Variants in ADGRL2 observed in about 807,000 individuals in gnomAD.
The protein encoded by ADGRL2 is calcium-independent alpha-latrotoxin receptor 2.
Under a neutral mutation model 157.4 loss-of-function variants are expected in ADGRL2, and 44 were observed. The observed-to-expected ratio is 0.28, with a 90% CI of 0.22 to 0.36. ADGRL2 has a LOEUF of 0.36. Among genes scored for constraint, ADGRL2 ranks in the 10% least tolerant of loss-of-function variants. ADGRL2 has a pLI of 1.00. For synonymous variants in ADGRL2, 585 were observed against 624.7 expected, an observed-to-expected ratio of 0.94 and a Z score of 0.95; for missense variants, 1,510 against 1,768.9, an observed-to-expected ratio of 0.85 and a Z score of 2.63.
chr1:81,779,221 A>G (rs1490384329), intron 2 of ADGRL2, among the ~76,000 whole-genome samples: 1 of 152,160 alleles, frequency 6.6e-6, no homozygotes, highest in Non-Finnish European at 1.5e-5. Context: ...ACACTGAAGT[A>G]TGTAAAATAA....
chr1:81,342,603 C>G (rs1053979425), intron 1 of ADGRL2, among the ~76,000 whole-genome samples: 11 of 152,114 alleles, frequency 7.2e-5, no homozygotes, highest in Non-Finnish European at 1.5e-4. Flanking sequence ...GTCAATCACT[C>G]TAATAGGTTT....
intron 1 of ADGRL2, among the ~76,000 whole-genome samples, chr1:81,703,946 G>A (rs1335946463): frequency 6.6e-6 from 1 of 152,142 alleles, no homozygotes; most frequent in Non-Finnish European, 1.5e-5. Context: ...AGTAAAGGAG[G>A]CCAATAAGCC....
At chr1:81,415,041 C>A (rs1160560241) in intron 1 of ADGRL2, among the ~76,000 whole-genome samples, 1 of 152,144 alleles carries the variant, frequency 6.6e-6, no homozygotes, top group African/African-American at 2.4e-5. Flanking sequence ...TAAAGAAAGG[C>A]CACCTTTCAG....
chr1:81,899,712 T>G (rs917063416), intron 2 of ADGRL2, among the ~76,000 whole-genome samples: 2 of 152,160 alleles, frequency 1.3e-5, no homozygotes, highest in African/African-American at 4.8e-5. Context: ...TTGGGATGCT[T>G]ATTTTTTTGT....
intron 3 of ADGRL2, among the ~76,000 whole-genome samples, chr1:81,914,812 G>A (rs1433264882): frequency 1.3e-5 from 2 of 152,120 alleles, no homozygotes; most frequent in East Asian, 3.9e-4. Flanking sequence ...TTTTAGTACA[G>A]TAATAAATAA....
intron 2 of ADGRL2, among the ~76,000 whole-genome samples, chr1:81,510,698 T>C (rs2148080571): frequency 6.6e-6 from 1 of 152,294 alleles, no homozygotes; most frequent in East Asian, 1.9e-4. Flanking sequence ...GGCAGAAAGT[T>C]ATGTAGGGTC....
intron 1 of ADGRL2, among the ~76,000 whole-genome samples, chr1:81,725,902 G>A (rs143887065): frequency 2.0e-5 from 3 of 152,156 alleles, no homozygotes; most frequent in African/African-American, 7.2e-5. Flanking sequence ...AGAATTGCTT[G>A]AACCTGGGAG....
At chr1:81,514,966 C>T (rs2148117345) in intron 2 of ADGRL2, 2 of 152,184 alleles carry the variant, frequency 1.3e-5, no homozygotes, top group East Asian at 3.9e-4. Flanking sequence ...CACATATTTT[C>T]TCTTCTGGTA....
At chr1:81,482,400 A>G (rs1212802467) in intron 2 of ADGRL2, among the ~76,000 whole-genome samples, 2 of 140,214 alleles carry the variant, frequency 1.4e-5, no homozygotes, top group Non-Finnish European at 2.9e-5. Context: ...AGAACAACTT[A>G]AAAAAAATTA....
At chr1:81,529,995 G>A (rs1488665961) in intron 2 of ADGRL2, among the ~76,000 whole-genome samples, 2 of 152,176 alleles carry the variant, frequency 1.3e-5, no homozygotes, top group African/African-American at 4.8e-5. Context: ...GCAATAACAT[G>A]CCCAAGGTCA....
intron 2 of ADGRL2, among the ~76,000 whole-genome samples, chr1:81,520,881 G>A (rs903535587): frequency 2.0e-5 from 3 of 152,126 alleles, no homozygotes; most frequent in African/African-American, 7.2e-5. Context: ...AGGCTTTTCT[G>A]GCTTTTCATT....
chr1:81,479,378 G>T (rs2147868986), intron 2 of ADGRL2, among the ~76,000 whole-genome samples: 1 of 152,068 alleles, frequency 6.6e-6, no homozygotes, highest in South Asian at 2.1e-4. Flanking sequence ...AGCTGCTCGG[G>T]AGGCTGAGGC....
chr1:81,681,051 G>A (rs1215193190), intron 3 of ADGRL2, among the ~76,000 whole-genome samples: 2 of 152,202 alleles, frequency 1.3e-5, no homozygotes, highest in Non-Finnish European at 2.9e-5. Context: ...TGAGGATCAA[G>A]AATGAGCCCT....
intron 1 of ADGRL2, among the ~76,000 whole-genome samples, chr1:81,327,845 G>A (rs535099890): frequency 6.6e-6 from 1 of 152,182 alleles, no homozygotes; most frequent in Non-Finnish European, 1.5e-5. Flanking sequence ...AAACGTATAG[G>A]TCATCCTGAT....
intron 1 of ADGRL2, among the ~76,000 whole-genome samples, chr1:81,323,411 AT>A (rs138358062): frequency 0.032 from 3,518 of 109,684 alleles, 61 homozygotes; most frequent in African/African-American, 0.1. Context: ...GACTAATTCA[AT>A]TTTTTTTTTT....
chr1:81,466,091 C>A (rs1334388103), intron 2 of ADGRL2, among the ~76,000 whole-genome samples: 1 of 152,176 alleles, frequency 6.6e-6, no homozygotes, highest in Non-Finnish European at 1.5e-5. Flanking sequence ...AAGTAATCTG[C>A]AAGAAGCCAG....
rs530875706 is a variant in ADGRL2 at position 81,632,334 on chromosome 1, C to A, written c.-143+51354C>A. Among the ~76,000 whole-genome samples, 63 of 152,252 alleles carry A rather than the reference C, an allele frequency of 4.1e-4. No homozygotes were observed. The South Asian group carries it at 0.012, about 30-fold the overall frequency. ...GATGGCCTTAGTAGGACCTCCTGTGCAGGAACTATTGGAGCAAGACCAAAA... is the reference window on the plus strand; with the variant it reads ...GATGGCCTTAGTAGGACCTCCTGTGAAGGAACTATTGGAGCAAGACCAAAA... On this transcript the variant is annotated intron_variant, in intron 3 of 24. Transcript: ENST00000370721.
At chr1:81,312,848 G>T (rs1189905937) in intron 1 of ADGRL2, among the ~76,000 whole-genome samples, 1 of 152,060 alleles carries the variant, frequency 6.6e-6, no homozygotes, top group Non-Finnish European at 1.5e-5. Context: ...AAAAACCAAA[G>T]ACATTTAAAA....
intron 3 of ADGRL2, among the ~76,000 whole-genome samples, chr1:81,676,242 C>T (rs914179273): frequency 1.3e-5 from 2 of 152,072 alleles, no homozygotes; most frequent in African/African-American, 4.8e-5. Context: ...AACTCCTGAC[C>T]TCATGATCTG....
Sources: allele counts gnomAD v4.1 joint callset (sites outside exome capture counted in the v4.1 genomes callset), GRCh38; gene constraint gnomAD v4.1.1; transcripts MANE v1.5; gene names NCBI Gene and HGNC (gene_info 2026-07-23, HGNC 2026-07-21).